SGCZ: variants seen among roughly 807,000 people sequenced by gnomAD.
SGCZ encodes zeta-sarcoglycan.
A neutral mutation model predicts 41.3 loss-of-function variants in SGCZ; 40 were observed. The observed-to-expected ratio is 0.97, with a 90% CI of 0.75 to 1.26. The LOEUF (loss-of-function observed/expected upper bound fraction) is 1.26, where lower values mean the gene tolerates loss of function less well. Among genes scored for constraint, SGCZ ranks in the 50% most tolerant of loss-of-function variants. The probability of loss-of-function intolerance (pLI) is 0.00; values close to 1 mark genes in which losing one functional copy is unlikely to be tolerated. For missense variants in SGCZ, 552 were observed against 369.8 expected (o/e 1.49, Z -4.04); for synonymous variants, 206 against 137.5 (o/e 1.50, Z -3.49).
rs1467935475 is a variant in SGCZ, at chr8:14,810,899, T to G, written c.40-255973A>C. On this transcript the variant is annotated intron_variant, in intron 1 of 7. Coordinates refer to ENST00000382080, the MANE Select transcript of SGCZ (RefSeq NM_139167.4). ...TTTTGTGCATAACATAGAGAATAAA[T>G]CCTCCTTTAAAATGCTATCATCAAT... 2.0e-5 allele frequency among the ~76,000 whole-genome samples: 3 copies of G among 151,922 alleles called. No homozygotes were observed. In the East Asian group the frequency reaches 5.8e-4, roughly 29 times the overall value.
intron 3 of SGCZ, among the ~76,000 whole-genome samples, chr8:14,319,153 G>A (rs558823811): frequency 2.4e-4 from 37 of 151,910 alleles, no homozygotes; most frequent in Non-Finnish European, 5.0e-4. Flanking sequence ...AGAAACCAAC[G>A]AATAAAACTG....
chr8:14,689,528 G>C (rs964386923), intron 1 of SGCZ, among the ~76,000 whole-genome samples: 2 of 152,024 alleles, frequency 1.3e-5, no homozygotes, highest in African/African-American at 4.8e-5. Flanking sequence ...CAATATATTT[G>C]GGAATTTTTA....
chr8:14,716,799 G>C (rs186346659), intron 1 of SGCZ, among the ~76,000 whole-genome samples: 57 of 152,148 alleles, frequency 3.7e-4, no homozygotes, highest in African/African-American at 1.3e-3. Context: ...CAAATGGGAA[G>C]CATGGTGCAT....
intron 2 of SGCZ, among the ~76,000 whole-genome samples, chr8:14,369,307 C>G (rs1261471643): frequency 6.6e-6 from 1 of 151,812 alleles, no homozygotes; most frequent in Non-Finnish European, 1.5e-5. Context: ...CCTTTTTTGT[C>G]TTCATGACCT....
intron 5 of SGCZ, among the ~76,000 whole-genome samples, chr8:14,155,886 G>C (rs995325075): frequency 6.6e-6 from 1 of 152,054 alleles, no homozygotes; most frequent in East Asian, 1.9e-4. Context: ...CTGCTCCTAA[G>C]CTACAAACCT....
At chr8:14,984,790 T>A (rs919431696) in intron 1 of SGCZ, among the ~76,000 whole-genome samples, 1 of 152,120 alleles carries the variant, frequency 6.6e-6, no homozygotes, top group Non-Finnish European at 1.5e-5. Context: ...TTTGGCAGGG[T>A]ATATTTATAT....
chr8:14,983,555 G>C (rs1801738419), intron 1 of SGCZ, among the ~76,000 whole-genome samples: 1 of 151,824 alleles, frequency 6.6e-6, no homozygotes. Flanking sequence ...AAGTTGCCCA[G>C]GCTGGTCTCA....
chr8:14,114,468 A>G, intron 5 of SGCZ, among the ~76,000 whole-genome samples: 1 of 152,016 alleles, frequency 6.6e-6, no homozygotes, highest in Non-Finnish European at 1.5e-5. Context: ...TTAGGACTGA[A>G]AAATAAGCTG....
intron 3 of SGCZ, among the ~76,000 whole-genome samples, chr8:14,272,009 T>C (rs1800081509): frequency 6.6e-6 from 1 of 152,060 alleles, no homozygotes; most frequent in Non-Finnish European, 1.5e-5. Context: ...ATGCCCTAAG[T>C]AATTTTATTT....
Position 14,324,593 on chromosome 8 carries a change from T to C in SGCZ, c.235-389A>G, listed in dbSNP as rs542092771. Among the ~76,000 whole-genome samples, 15 of 152,248 alleles carry C rather than the reference T, an allele frequency of 9.9e-5. 1 individual carries two copies. The South Asian group carries it at 3.1e-3, about 32-fold the overall frequency. On this transcript the variant is annotated intron_variant, in intron 2 of 7. Transcript: ENST00000382080. The stretch of plus-strand genomic sequence containing the variant: ...TAGTAATATTTTTACATTACAGTTA[T>C]ACAAATAACTCTAAAATATTCAGAG...
At chr8:14,241,672 C>G (rs1174119141) in intron 3 of SGCZ, among the ~76,000 whole-genome samples, 2 of 151,882 alleles carry the variant, frequency 1.3e-5, no homozygotes, top group Non-Finnish European at 2.9e-5. Flanking sequence ...GCCTCTAGCT[C>G]TAGAGGACAT....
At chr8:14,554,640 T>C in intron 2 of SGCZ, 92 bp downstream of exon 2, 1 of 999,274 alleles carries the variant, frequency 1.0e-6, no homozygotes, top group Non-Finnish European at 1.4e-6. Context: ...TAAATATTGA[T>C]ATGAATAACT....
intron 2 of SGCZ, among the ~76,000 whole-genome samples, chr8:14,521,639 T>G (rs1802791708): frequency 6.6e-6 from 1 of 152,154 alleles, no homozygotes. Flanking sequence ...TTGTCTTCAT[T>G]TACCAAGGAT....
intron 3 of SGCZ, among the ~76,000 whole-genome samples, chr8:14,299,148 C>T (rs1286662343): frequency 6.6e-6 from 1 of 151,966 alleles, no homozygotes; most frequent in African/African-American, 2.4e-5. Context: ...ATCAATCACC[C>T]TCAAACCATG....
At chr8:14,483,205 A>G (rs1373815611) in intron 2 of SGCZ, among the ~76,000 whole-genome samples, 1 of 152,212 alleles carries the variant, frequency 6.6e-6, no homozygotes, top group Non-Finnish European at 1.5e-5. Context: ...CATTTCAAAA[A>G]ACATGCCTTT....
At chr8:14,537,261 T>C (rs1025670644) in intron 2 of SGCZ, among the ~76,000 whole-genome samples, 7 of 151,878 alleles carry the variant, frequency 4.6e-5, no homozygotes, top group Non-Finnish European at 8.8e-5. Context: ...CTGCATTTCT[T>C]CACTATCACT....
chr8:14,680,266 T>C (rs943319311), intron 1 of SGCZ, among the ~76,000 whole-genome samples: 6 of 152,132 alleles, frequency 3.9e-5, no homozygotes, highest in African/African-American at 1.2e-4. Context: ...TATGATGCTA[T>C]AATGGTGTAT....
chr8:14,961,729 T>A (rs2130851962), intron 1 of SGCZ, among the ~76,000 whole-genome samples: 1 of 152,164 alleles, frequency 6.6e-6, no homozygotes, highest in South Asian at 2.1e-4. Flanking sequence ...ACAAATGACT[T>A]CACAAGAAGA....
chr8:14,937,722 T>G (rs1244541151), intron 1 of SGCZ, among the ~76,000 whole-genome samples: 1 of 152,142 alleles, frequency 6.6e-6, no homozygotes, highest in African/African-American at 2.4e-5. Context: ...TTAGATATCC[T>G]TTTTCTGTAA....
Sources: allele counts gnomAD v4.1 joint callset (sites outside exome capture counted in the v4.1 genomes callset), GRCh38; gene constraint gnomAD v4.1.1; transcripts MANE v1.5; gene names NCBI Gene and HGNC (gene_info 2026-07-23, HGNC 2026-07-21).